Variants in NAV2 observed in about 807,000 individuals in gnomAD.
NAV2 encodes helicase, APC down-regulated 1.
Under a neutral mutation model 223.2 loss-of-function variants are expected in NAV2, and 54 were observed. The ratio of observed to expected loss-of-function variants is 0.24; its 90% CI spans 0.19 to 0.30. The LOEUF (loss-of-function observed/expected upper bound fraction) is 0.30, where lower values mean the gene tolerates loss of function less well. Among genes scored for constraint, NAV2 ranks in the 10% least tolerant of loss-of-function variants. The probability of loss-of-function intolerance (pLI) is 1.00; values close to 1 mark genes in which losing one functional copy is unlikely to be tolerated. For missense variants in NAV2, 2,806 were observed against 3,147.5 expected, an observed-to-expected ratio of 0.89 and a Z score of 2.60; for synonymous variants, 1,279 against 1,239.3, an observed-to-expected ratio of 1.03 and a Z score of -0.67.
chr11:20,090,587 A>C (rs1324382871), intron 26 of NAV2, among the ~76,000 whole-genome samples: 1 of 152,258 alleles, frequency 6.6e-6, no homozygotes, highest in Non-Finnish European at 1.5e-5. Flanking sequence ...GAAAAAGGAC[A>C]ACAAATAGAA....
rs184625674 is a variant in NAV2 at position 19,430,393 on chromosome 11, A to G, written c.75+79366A>G. Among the ~76,000 whole-genome samples, 6 of 152,264 alleles carry G rather than the reference A, an allele frequency of 3.9e-5. No homozygotes were observed. The East Asian group carries it at 1.2e-3, about 29-fold the overall frequency. The stretch of plus-strand genomic sequence containing the variant: ...CTCCCCTTCTTCAGTCCCCTCTCGC[A>G]TAGCCTCCTCAGGCTGGGTCCTCTT... On this transcript the variant is annotated intron_variant, in intron 1 of 37. Coordinates refer to the NAV2 transcript ENST00000360655.
At chr11:20,048,381 G>T (rs564629151) in intron 14 of NAV2, among the ~76,000 whole-genome samples, 1 of 152,284 alleles carries the variant, frequency 6.6e-6, no homozygotes, top group East Asian at 1.9e-4. Context: ...CCTGGGCCAG[G>T]GCAGTTTTCT....
chr11:19,437,543 TG>T (rs1851257140), intron 1 of NAV2, among the ~76,000 whole-genome samples: 1 of 152,174 alleles, frequency 6.6e-6, no homozygotes, highest in South Asian at 2.1e-4. Context: ...TGGAAAATAC[TG>T]GGGACAATAG....
intron 6 of NAV2, among the ~76,000 whole-genome samples, chr11:19,895,009 C>T (rs994851670): frequency 2.6e-5 from 4 of 151,842 alleles, no homozygotes; most frequent in Admixed American, 6.6e-5. Context: ...GGATTACAGG[C>T]GTGAGCCACT....
chr11:19,347,072 C>T (rs151158791), upstream of NAV2, among the ~76,000 whole-genome samples: 291 of 152,250 alleles, frequency 1.9e-3, 1 homozygote, highest in African/African-American at 6.5e-3. Context: ...TTCCCCAGTC[C>T]CGGCAGCCAC....
In NAV2 at chr11:19,828,119, A is replaced by G. The variant is rs554137170; in HGVS notation, c.268-4365A>G. Among the ~76,000 whole-genome samples, 40 of 152,280 alleles carry G rather than the reference A, an allele frequency of 2.6e-4. 1 individual carries two copies. The highest frequency in any genetic ancestry group is 8.7e-4 in the African/African-American group (36 of 41,556). ...CAGTGAGCTTTGATTACCCCACTGC[A>G]CCCCAGCCTGGGAGACAGAGTGAGA... On this transcript the variant is annotated intron_variant, in intron 1 of 37. Coordinates refer to ENST00000349880, the MANE Select transcript of NAV2 (RefSeq NM_145117.5).
chr11:19,871,799 G>A lies in NAV2; in HGVS notation c.511+2802G>A, dbSNP rs185398745. ...AGATCAGCCGGGTCTCTGCTAAGCG[G>A]ATGTCCAATTTGGGACTGGAATGCC... On this transcript the variant is annotated intron_variant, in intron 4 of 37. Coordinates refer to ENST00000349880, the MANE Select transcript of NAV2 (RefSeq NM_145117.5). Among the ~76,000 whole-genome samples, 230 of 152,192 alleles carry A rather than the reference G, an allele frequency of 1.5e-3. 1 individual carries two copies. The highest frequency in any genetic ancestry group is 0.012 in the South Asian group (56 of 4,818).
intron 1 of NAV2, among the ~76,000 whole-genome samples, chr11:19,580,265 C>A (rs2045679231): frequency 6.6e-6 from 1 of 152,076 alleles, no homozygotes; most frequent in Non-Finnish European, 1.5e-5. Context: ...TGTCCTGTAG[C>A]CAGATTGATT....
At chr11:19,842,984 T>C in intron 3 of NAV2, 61 bp downstream of exon 3, 1 of 1,391,522 alleles carries the variant, frequency 7.2e-7, no homozygotes, top group Non-Finnish European at 1.0e-6. Flanking sequence ...CTCTAAGTGA[T>C]ATTGACCATC....
chr11:19,934,770 G>A (rs1178365574), intron 7 of NAV2, among the ~76,000 whole-genome samples: 1 of 152,086 alleles, frequency 6.6e-6, no homozygotes, highest in East Asian at 1.9e-4. Flanking sequence ...GCTGAGTGCT[G>A]GGGCTTTCTG....
intron 7 of NAV2, among the ~76,000 whole-genome samples, chr11:19,939,446 A>G (rs1284510365): frequency 6.6e-6 from 1 of 152,178 alleles, no homozygotes; most frequent in African/African-American, 2.4e-5. Context: ...TGGGCAATGA[A>G]AAGTTTATCT....
chr11:20,111,049 A>C (rs978864982), intron 36 of NAV2, among the ~76,000 whole-genome samples: 1 of 152,126 alleles, frequency 6.6e-6, no homozygotes, highest in African/African-American at 2.4e-5. Context: ...TGCCAGGAGG[A>C]AACATGATAT....
At chr11:19,748,705 C>G (rs2053568489) in intron 1 of NAV2, among the ~76,000 whole-genome samples, 1 of 151,504 alleles carries the variant, frequency 6.6e-6, no homozygotes, top group Non-Finnish European at 1.5e-5. Context: ...TCATGGGAAG[C>G]ACTCAATGAA....
chr11:19,353,582 ATAT>A (rs911618965), intron 1 of NAV2, among the ~76,000 whole-genome samples: 3 of 152,186 alleles, frequency 2.0e-5, no homozygotes, highest in Admixed American at 2.0e-4. Context: ...TATTATAGGG[ATAT>A]TATTAAGATT....
At chr11:19,532,380 T>C (rs1337261900) in intron 1 of NAV2, among the ~76,000 whole-genome samples, 1 of 152,188 alleles carries the variant, frequency 6.6e-6, no homozygotes, top group Non-Finnish European at 1.5e-5. Context: ...GTCTACTCTA[T>C]CATCTCAAAA....
chr11:19,803,708 A>C (rs559832826), intron 1 of NAV2, among the ~76,000 whole-genome samples: 6 of 152,362 alleles, frequency 3.9e-5, no homozygotes, highest in African/African-American at 2.4e-5. Flanking sequence ...ATGGTAGAGG[A>C]TAATGTATAG....
chr11:19,422,026 A>G (rs77002437), intron 1 of NAV2, among the ~76,000 whole-genome samples: 4,805 of 152,198 alleles, frequency 0.032, 251 homozygotes, highest in African/African-American at 0.11. Context: ...TGGGGTTGTT[A>G]TAAGGCTTAG....
rs1041608567 is a variant in NAV2 at position 20,027,253 on chromosome 11, A to G, written c.2769-8706A>G. ...TTCCCCAGGGGTTACTACTAAGCCT[A>G]CAGTTAGGCTTGCTCACTCATCCAC... On this transcript the variant is annotated intron_variant, in intron 11 of 37. Coordinates refer to ENST00000349880, the MANE Select transcript of NAV2 (RefSeq NM_145117.5). 24 of 985,242 alleles carry G rather than the reference A, an allele frequency of 2.4e-5. No individual in the cohort carries two copies. The African/African-American group carries it at 3.3e-4, about 14-fold the overall frequency. The allele number at this position is 985,242 out of a possible 1,614,324, so 61.0% of individuals were successfully genotyped here.
rs538555451 is a variant in NAV2, at chr11:19,580,722, A to G, written c.75+229695A>G. ...TTTCAGCTGTTTCCACTTTTTTGCT[A>G]TTATGGGGAGTACCGCATAGACCTT... On this transcript the variant is annotated intron_variant, in intron 1 of 37. Coordinates refer to the NAV2 transcript ENST00000360655. 3.3e-5 allele frequency among the ~76,000 whole-genome samples: 5 copies of G among 152,258 alleles called. 1 individual carries two copies. Among genetic ancestry groups the G allele is most frequent in the East Asian group, 1.9e-4 (1 of 5,186 alleles).
Sources: allele counts gnomAD v4.1 joint callset (sites outside exome capture counted in the v4.1 genomes callset), GRCh38; gene constraint gnomAD v4.1.1; transcripts MANE v1.5; gene names NCBI Gene and HGNC (gene_info 2026-07-23, HGNC 2026-07-21).